The following GRIK2 variants were observed in gnomAD, a reference collection of about 807,000 sequenced individuals.
The protein encoded by GRIK2 is glutamate ionotropic receptor kainate type subunit 2, also known as glutamate receptor ionotropic, kainate 2.
A neutral mutation model predicts 100.3 loss-of-function variants in GRIK2; 32 were observed. The ratio of observed to expected loss-of-function variants is 0.32; its 90% CI spans 0.24 to 0.43. The LOEUF (loss-of-function observed/expected upper bound fraction) is 0.43. Among genes scored for constraint, GRIK2 ranks in the 20% least tolerant of loss-of-function variants. The probability of loss-of-function intolerance (pLI) is 1.00; values close to 1 mark genes in which losing one functional copy is unlikely to be tolerated. For synonymous variants in GRIK2, 417 were observed against 389.4 expected, an observed-to-expected ratio of 1.07 and a Z score of -0.83; for missense variants, 843 against 1,114.9, an observed-to-expected ratio of 0.76 and a Z score of 3.47.
intron 7 of GRIK2, among the ~76,000 whole-genome samples, chr6:101,724,277 C>T (rs73512706): frequency 4.0e-5 from 6 of 151,624 alleles, no homozygotes; most frequent in Non-Finnish European, 7.4e-5. Context: ...GTGGAGTTTA[C>T]GTTATCCCAT....
At chr6:101,482,139 T>C (rs941931916) in intron 2 of GRIK2, among the ~76,000 whole-genome samples, 23 of 152,154 alleles carry the variant, frequency 1.5e-4, no homozygotes, top group Admixed American at 1.3e-3. Flanking sequence ...AAATACGTCA[T>C]TGGTTATTAT....
intron 4 of GRIK2, among the ~76,000 whole-genome samples, chr6:101,675,630 G>A (rs1403267879): frequency 6.6e-6 from 1 of 151,874 alleles, no homozygotes; most frequent in East Asian, 1.9e-4. Context: ...ACTGTATAAA[G>A]GAATACATTC....
At chr6:101,665,166 G>A (rs1347852969) in intron 4 of GRIK2, among the ~76,000 whole-genome samples, 1 of 152,102 alleles carries the variant, frequency 6.6e-6, no homozygotes. Context: ...ATTGTTATAG[G>A]GCTAGTCTTG....
Position 101,850,114 on chromosome 6 carries a change from C to T in GRIK2, c.1318-9173C>T, listed in dbSNP as rs76538187. Among the ~76,000 whole-genome samples, 849 of 152,130 alleles carry T rather than the reference C, an allele frequency of 5.6e-3. 2 individuals are homozygous for T. The highest frequency in any genetic ancestry group is 8.8e-3 in the Non-Finnish European group (596 of 67,956). Reference sequence around the variant, plus strand: ...GACACATGTCCCTGTTTCTCAAAAACGTAGCCTGTGAGAACATTCTGCATT... The same window carrying T: ...GACACATGTCCCTGTTTCTCAAAAATGTAGCCTGTGAGAACATTCTGCATT... On this transcript the variant is annotated intron_variant, in intron 10 of 16. Transcript: ENST00000369134.
At chr6:102,064,879 A>G (rs1771939511) in intron 16 of GRIK2, among the ~76,000 whole-genome samples, 1 of 151,296 alleles carries the variant, frequency 6.6e-6, no homozygotes, top group Non-Finnish European at 1.5e-5. Context: ...TTGCCATGTT[A>G]ATTGTAAAAT....
intron 7 of GRIK2, among the ~76,000 whole-genome samples, chr6:101,793,300 C>A (rs1485970364): frequency 6.6e-6 from 1 of 151,902 alleles, no homozygotes; most frequent in Non-Finnish European, 1.5e-5. Context: ...TTTAGAGTTT[C>A]CAGTTTTTCT....
At chr6:101,471,150 C>A (rs1327005811) in intron 2 of GRIK2, among the ~76,000 whole-genome samples, 3 of 152,022 alleles carry the variant, frequency 2.0e-5, no homozygotes, top group African/African-American at 7.2e-5. Context: ...TCAGAAAATC[C>A]ACATTCAAAT....
chr6:101,562,420 C>A (rs578121592), intron 2 of GRIK2, among the ~76,000 whole-genome samples: 4 of 152,112 alleles, frequency 2.6e-5, no homozygotes, highest in Non-Finnish European at 4.4e-5. Context: ...CTCACTGCAA[C>A]CTCTGCCTCC....
At chr6:101,645,483 A>G (rs1255733399) in intron 4 of GRIK2, among the ~76,000 whole-genome samples, 2 of 151,902 alleles carry the variant, frequency 1.3e-5, no homozygotes, top group Admixed American at 6.6e-5. Flanking sequence ...GGCACATAGT[A>G]CGTTAAACAA....
chr6:101,703,902 A>T (rs1773073738), intron 7 of GRIK2, among the ~76,000 whole-genome samples: 1 of 151,702 alleles, frequency 6.6e-6, no homozygotes, highest in Admixed American at 6.6e-5. Context: ...GCAGGACAGC[A>T]GAGTAGTTCT....
chr6:101,822,207 TAC>T (rs58680927), intron 10 of GRIK2, among the ~76,000 whole-genome samples: 72,336 of 143,020 alleles, frequency 0.51, 21,163 homozygotes, highest in Non-Finnish European at 0.66. Flanking sequence ...TGGAGAGTTT[TAC>T]ACACACACAC....
intron 4 of GRIK2, among the ~76,000 whole-genome samples, chr6:101,662,565 T>C (rs1451963726): frequency 6.6e-6 from 1 of 152,110 alleles, no homozygotes; most frequent in Non-Finnish European, 1.5e-5. Flanking sequence ...CACCTTCTAC[T>C]GTCACAGCTT....
chr6:102,024,883 A>G (rs1250689259), intron 14 of GRIK2, among the ~76,000 whole-genome samples: 1 of 150,324 alleles, frequency 6.7e-6, no homozygotes, highest in Non-Finnish European at 1.5e-5. Flanking sequence ...TGATTTGATC[A>G]TTACAAATTA....
At chr6:101,898,071 G>C (rs937633586) in intron 12 of GRIK2, among the ~76,000 whole-genome samples, 7 of 151,722 alleles carry the variant, frequency 4.6e-5, no homozygotes, top group Non-Finnish European at 1.0e-4. Flanking sequence ...ACTATAAAGA[G>C]ATTCATTTAT....
rs947487379 is a variant in GRIK2 at position 102,069,562 on chromosome 6, A to C, written c.*1051A>C. ...CTGGTCATCTATAGAAAAATCTGTG[A>C]GAGAACTTGGAAGTGGACTGCGTTT... On this transcript the variant is annotated 3_prime_UTR_variant, in exon 17 of 17. Transcript: ENST00000369134. The C allele has an allele frequency of 6.6e-6, 1 of 151,848 alleles. No homozygotes were observed. The highest frequency in any genetic ancestry group is 1.5e-5 in the Non-Finnish European group (1 of 67,936). 9.4% of individuals were successfully genotyped at this position (151,848 alleles called of 1,614,324 possible). A position where few individuals can be genotyped will look rare whatever the true frequency, so the allele number is the denominator to read the frequency against.
chr6:101,662,458 G>C (rs116919362), intron 4 of GRIK2, among the ~76,000 whole-genome samples: 1 of 152,040 alleles, frequency 6.6e-6, no homozygotes, highest in Admixed American at 6.6e-5. Flanking sequence ...CCTGAATTAT[G>C]TTTTAACTGA....
intron 12 of GRIK2, among the ~76,000 whole-genome samples, chr6:101,918,713 C>G (rs1789280826): frequency 6.6e-6 from 1 of 151,654 alleles, no homozygotes; most frequent in Non-Finnish European, 1.5e-5. Context: ...TTCAAACCTT[C>G]CAGTCTCAAA....
At chr6:102,053,101 C>T (rs1771285891) in intron 15 of GRIK2, among the ~76,000 whole-genome samples, 1 of 151,778 alleles carries the variant, frequency 6.6e-6, no homozygotes, top group Non-Finnish European at 1.5e-5. Context: ...AACACACACA[C>T]ACACACACAC....
At chr6:101,585,485 A>C (rs1350972669) in intron 2 of GRIK2, among the ~76,000 whole-genome samples, 1 of 152,062 alleles carries the variant, frequency 6.6e-6, no homozygotes, top group Non-Finnish European at 1.5e-5. Context: ...ACATACCCTA[A>C]TCTCAAGCAA....
Sources: allele counts gnomAD v4.1 joint callset (sites outside exome capture counted in the v4.1 genomes callset), GRCh38; gene constraint gnomAD v4.1.1; transcripts MANE v1.5; gene names NCBI Gene and HGNC (gene_info 2026-07-23, HGNC 2026-07-21).